Variants in TRIM9 observed in about 807,000 individuals in gnomAD.
The protein encoded by TRIM9 is E3 ubiquitin-protein ligase TRIM9.
A neutral mutation model predicts 78.3 loss-of-function variants in TRIM9; 26 were observed. That is an observed-to-expected ratio of 0.33 (90% CI 0.24 to 0.46). The LOEUF (loss-of-function observed/expected upper bound fraction) is 0.46, where lower values mean the gene tolerates loss of function less well. Among genes scored for constraint, TRIM9 ranks in the 20% least tolerant of loss-of-function variants. TRIM9 has a pLI of 1.00. For missense variants in TRIM9, 787 were observed against 1,036.4 expected, an observed-to-expected ratio of 0.76 and a Z score of 3.30; for synonymous variants, 398 against 416.5, an observed-to-expected ratio of 0.96 and a Z score of 0.54.
At chr14:51,025,479 C>A in intron 1 of TRIM9, 119 bp from the exon 2 acceptor site, 1 of 838,594 alleles carries the variant, frequency 1.2e-6, no homozygotes, top group South Asian at 1.7e-5. Flanking sequence ...TGAGGTTGGA[C>A]CTTTTTGCTG....
At chr14:51,039,895 C>T (rs1042202983) in intron 1 of TRIM9, among the ~76,000 whole-genome samples, 5 of 152,000 alleles carry the variant, frequency 3.3e-5, no homozygotes, top group East Asian at 1.9e-4. Context: ...TACAGGCGCC[C>T]GCCACCACGC....
chr14:51,053,384 G>A, intron 1 of TRIM9, among the ~76,000 whole-genome samples: 1 of 151,616 alleles, frequency 6.6e-6, no homozygotes, highest in Admixed American at 6.6e-5. Flanking sequence ...ACTCATGATA[G>A]GAGATGCTTC....
intron 1 of TRIM9, among the ~76,000 whole-genome samples, chr14:51,052,505 G>A (rs1330363078): frequency 6.6e-6 from 1 of 152,148 alleles, no homozygotes; most frequent in Non-Finnish European, 1.5e-5. Context: ...TTTAATTTAT[G>A]TTTAATCCCT....
chr14:51,017,388 A>G (rs1442958870), intron 3 of TRIM9, among the ~76,000 whole-genome samples: 2 of 152,244 alleles, frequency 1.3e-5, no homozygotes, highest in Non-Finnish European at 2.9e-5. Flanking sequence ...GGAAGTCTTG[A>G]GATTTTTAAC....
At chr14:51,055,749 A>G (rs1472910985) in intron 1 of TRIM9, among the ~76,000 whole-genome samples, 3 of 152,234 alleles carry the variant, frequency 2.0e-5, no homozygotes, top group African/African-American at 7.2e-5. Context: ...GAATTGTAAA[A>G]CAGGATAAAT....
At chr14:51,000,125 A>G (rs933277772) in intron 6 of TRIM9, among the ~76,000 whole-genome samples, 12 of 152,232 alleles carry the variant, frequency 7.9e-5, no homozygotes, top group African/African-American at 1.2e-4. Context: ...ACAGGAGACC[A>G]TGTCAATTAA....
At chr14:51,083,218 TAAG>T (rs939760346) in intron 1 of TRIM9, among the ~76,000 whole-genome samples, 4 of 152,346 alleles carry the variant, frequency 2.6e-5, no homozygotes, top group African/African-American at 9.6e-5. Context: ...GTGTGGGGTT[TAAG>T]TAGTTTATTT....
At chr14:50,997,563 C>T in intron 7 of TRIM9, 1 of 999,758 alleles carries the variant, frequency 1.0e-6, no homozygotes, top group Non-Finnish European at 1.2e-6. Flanking sequence ...AGCTCTAGCA[C>T]CCCACCACCC....
chr14:51,009,018 G>T, intron 5 of TRIM9, 62 bp downstream of exon 5: 2 of 1,559,558 alleles, frequency 1.3e-6, no homozygotes, highest in Non-Finnish European at 1.8e-6. Flanking sequence ...TACTGATCCT[G>T]CTTCAAGCAC....
rs889317393 is a variant in TRIM9, at chr14:51,017,443, A to G, written c.1041+5392T>C. Reference sequence around the variant, plus strand: ...TATTCTAGAAGTGTGAATATCACCAATGCCTTACCAATAAACATGGAGTGG... The same window carrying G: ...TATTCTAGAAGTGTGAATATCACCAGTGCCTTACCAATAAACATGGAGTGG... On this transcript the variant is annotated intron_variant, in intron 3 of 12. Transcript: ENST00000684578. Among the ~76,000 whole-genome samples the G allele has an allele frequency of 2.0e-5, 3 of 152,354 alleles. No individual in the cohort carries two copies. In the South Asian group the frequency reaches 6.2e-4, roughly 32 times the overall value.
chr14:51,090,241 T>C (rs57676780), intron 1 of TRIM9, among the ~76,000 whole-genome samples: 23,635 of 152,192 alleles, frequency 0.16, 2,044 homozygotes, highest in East Asian at 0.25. Flanking sequence ...CCTGTTACAT[T>C]TACCACAGGA....
rs566135282 is a variant in TRIM9, at chr14:51,032,672, G to A, written c.823-7312C>T. Among the ~76,000 whole-genome samples the A allele has an allele frequency of 3.9e-5, 6 of 152,298 alleles. No homozygotes were observed. The South Asian group carries it at 1.0e-3, about 26-fold the overall frequency. ...ACACAACAACTAACTATCTCTCAGA[G>A]TCTGTGTCCAGGGAACCCAGTCTAA... On this transcript the variant is annotated intron_variant, in intron 1 of 12. Coordinates refer to ENST00000684578, the MANE Select transcript of TRIM9 (RefSeq NM_001387360.1).
chr14:51,088,671 G>A (rs2064011829), intron 1 of TRIM9, among the ~76,000 whole-genome samples: 1 of 151,686 alleles, frequency 6.6e-6, no homozygotes. Flanking sequence ...AATCTCTTCG[G>A]CCTCTTTGTG....
chr14:51,023,045 G>A, intron 2 of TRIM9, 88 bp from the exon 3 acceptor site: 2 of 1,537,696 alleles, frequency 1.3e-6, no homozygotes, highest in Admixed American at 2.0e-5. Context: ...CTGCTGAAGG[G>A]AATGAAAAGG....
At chr14:50,994,766 G>A (rs1156521655) in intron 7 of TRIM9, among the ~76,000 whole-genome samples, 3 of 152,216 alleles carry the variant, frequency 2.0e-5, no homozygotes, top group Admixed American at 6.5e-5. Context: ...GACTGGCACA[G>A]CCATGATGGC....
At chr14:51,066,788 G>A (rs146303714) in intron 1 of TRIM9, among the ~76,000 whole-genome samples, 19 of 152,270 alleles carry the variant, frequency 1.2e-4, no homozygotes, top group Non-Finnish European at 2.4e-4. Context: ...GTTGCAGCTC[G>A]GCGTTTGCCT....
At chr14:51,092,990 C>G (rs2064519238) in intron 1 of TRIM9, among the ~76,000 whole-genome samples, 1 of 151,948 alleles carries the variant, frequency 6.6e-6, no homozygotes, top group Non-Finnish European at 1.5e-5. Flanking sequence ...GAGCTTCAGG[C>G]TGAATGAACA....
rs1331174518 is a variant in TRIM9, at chr14:50,976,881, G to GAA, written c.*408_*409dup. On this transcript the variant is annotated 3_prime_UTR_variant, in exon 13 of 13. Coordinates refer to ENST00000684578, the MANE Select transcript of TRIM9 (RefSeq NM_001387360.1). Reference sequence around the variant, plus strand: ...CCCCCTACAACCTCATTGTTTGACAGAAAGCTTAAGAAAAAAAGTTAGCAG... The same window carrying GAA: ...CCCCCTACAACCTCATTGTTTGACAGAAAAAGCTTAAGAAAAAAAGTTAGCAG... 1 of 154,668 alleles carries GAA rather than the reference G, an allele frequency of 6.5e-6. No individual in the cohort carries two copies. The highest frequency in any genetic ancestry group is 6.5e-5 in the Admixed American group (1 of 15,326). 9.6% of individuals were successfully genotyped at this position (154,668 alleles called of 1,614,324 possible).
intron 12 of TRIM9, among the ~76,000 whole-genome samples, chr14:50,978,370 G>T (rs995828215): frequency 6.6e-6 from 1 of 152,090 alleles, no homozygotes; most frequent in Non-Finnish European, 1.5e-5. Flanking sequence ...TCCTGACAGC[G>T]GCTGGCAGGG....
Sources: gnomAD v4.1 joint callset for allele counts (sites outside exome capture counted in the v4.1 genomes callset) on GRCh38, gnomAD v4.1.1 for gene constraint, MANE v1.5 for transcripts, NCBI Gene and HGNC (gene_info 2026-07-23, HGNC 2026-07-21) for gene names.